TUSC3: variants seen among roughly 807,000 people sequenced by gnomAD.
TUSC3 encodes dolichyl-diphosphooligosaccharide--protein glycosyltransferase subunit TUSC3.
In TUSC3, 45 loss-of-function variants were observed where a neutral mutation model predicts 44.8. That is an observed-to-expected ratio of 1.00 (90% confidence interval 0.79 to 1.29). TUSC3 has a LOEUF of 1.29. Among genes scored for constraint, TUSC3 ranks in the 50% most tolerant of loss-of-function variants. The probability of loss-of-function intolerance (pLI) is 0.00; values close to 1 mark genes in which losing one functional copy is unlikely to be tolerated. For synonymous variants in TUSC3, 212 were observed against 152.9 expected (o/e 1.39, Z -2.85); for missense variants, 519 against 437.9 (o/e 1.19, Z -1.65).
At chr8:15,453,008 A>G (rs756063597) in intron 1 of TUSC3, among the ~76,000 whole-genome samples, 2 of 152,056 alleles carry the variant, frequency 1.3e-5, no homozygotes, top group Admixed American at 1.3e-4. Flanking sequence ...TTTTAATAAG[A>G]GGACTCTAGT....
intron 1 of TUSC3, 140 bp downstream of exon 1, chr8:15,540,708 G>A (rs989552972): frequency 8.2e-7 from 1 of 1,223,950 alleles, no homozygotes; most frequent in East Asian, 2.9e-5. Flanking sequence ...AGCCGCGAGG[G>A]TGGGAGGCCC....
intron 1 of TUSC3, among the ~76,000 whole-genome samples, chr8:15,599,178 A>G (rs935040068): frequency 1.3e-5 from 2 of 151,800 alleles, no homozygotes; most frequent in Non-Finnish European, 1.5e-5. Context: ...TCCCGATGAC[A>G]TGTAATGTGG....
chr8:15,671,505 G>C (rs541025157), intron 5 of TUSC3, among the ~76,000 whole-genome samples: 2 of 151,940 alleles, frequency 1.3e-5, no homozygotes, highest in Non-Finnish European at 2.9e-5. Flanking sequence ...GTGTTTTGTT[G>C]TTTCTTATGA....
At chr8:15,566,126 A>G (rs1032098902) in intron 1 of TUSC3, among the ~76,000 whole-genome samples, 5 of 152,158 alleles carry the variant, frequency 3.3e-5, no homozygotes, top group African/African-American at 1.2e-4. Flanking sequence ...ATGCATTCTC[A>G]GTGTCTTCTC....
chr8:15,487,899 ATTT>A (rs11307186), intron 2 of TUSC3, among the ~76,000 whole-genome samples: 17 of 138,352 alleles, frequency 1.2e-4, no homozygotes, highest in Admixed American at 3.6e-4. Context: ...TGTGCTGGCA[ATTT>A]TTTTTTTTTT....
At chr8:15,618,051 G>A (rs1805072352) in intron 1 of TUSC3, among the ~76,000 whole-genome samples, 1 of 152,104 alleles carries the variant, frequency 6.6e-6, no homozygotes, top group South Asian at 2.1e-4. Flanking sequence ...AAATGGTACA[G>A]CAAAGATATG....
chr8:15,622,737 G>C (rs923266124), intron 1 of TUSC3, among the ~76,000 whole-genome samples: 1 of 152,050 alleles, frequency 6.6e-6, no homozygotes, highest in Non-Finnish European at 1.5e-5. Context: ...CTAGAGTAGA[G>C]CAGTTATTAT....
chr8:15,832,612 G>A, the TUSC3 span, among the ~76,000 whole-genome samples: 4 of 151,944 alleles, frequency 2.6e-5, no homozygotes, highest in East Asian at 7.7e-4. Flanking sequence ...ATGGAGAACA[G>A]AAAAAAGCAA....
At chr8:15,562,716 C>T (rs1231561974) in intron 1 of TUSC3, among the ~76,000 whole-genome samples, 1 of 152,072 alleles carries the variant, frequency 6.6e-6, no homozygotes, top group Non-Finnish European at 1.5e-5. Flanking sequence ...GCTTGTGTTG[C>T]TCTCAGTTCT....
Position 15,682,811 on chromosome 8 carries a change from CT to C in TUSC3, c.798+8988del, listed in dbSNP as rs3988415. On this transcript the variant is annotated intron_variant, in intron 6 of 10. Coordinates refer to ENST00000503731, the MANE Select transcript of TUSC3 (RefSeq NM_006765.4). ...CTTTTGTTTCCATGTCTAGAACTTT[CT>C]TTTTTTTTTTTTGTAGCTGTTGTAA... is the stretch of plus-strand genomic sequence containing the variant. Among the ~76,000 whole-genome samples, 1,013 of 129,676 alleles carry C rather than the reference CT, an allele frequency of 7.8e-3. 9 individuals carry two copies. Among genetic ancestry groups the C allele is most frequent in the African/African-American group, 0.026 (823 of 31,468 alleles). The allele number at this position is 129,676 out of a possible 152,430, so 85.1% of individuals were successfully genotyped here.
At chr8:15,701,236 TC>T (rs2129195339) in intron 6 of TUSC3, among the ~76,000 whole-genome samples, 2 of 152,266 alleles carry the variant, frequency 1.3e-5, no homozygotes, top group South Asian at 4.1e-4. Flanking sequence ...CCACAAAATT[TC>T]CTCAGGGCCT....
intron 2 of TUSC3, among the ~76,000 whole-genome samples, chr8:15,506,496 T>C (rs1298496090): frequency 1.3e-5 from 2 of 152,154 alleles, no homozygotes; most frequent in African/African-American, 4.8e-5. Context: ...TATGAAGAAA[T>C]ACCAAGACTG....
chr8:15,560,292 G>C (rs1486240343), intron 1 of TUSC3, among the ~76,000 whole-genome samples: 2 of 142,712 alleles, frequency 1.4e-5, no homozygotes, highest in Non-Finnish European at 3.1e-5. Flanking sequence ...TGAAATTCTG[G>C]GTTGAAATTT....
chr8:15,520,596 C>T (rs561779032), intron 2 of TUSC3, among the ~76,000 whole-genome samples: 1 of 152,208 alleles, frequency 6.6e-6, no homozygotes, highest in South Asian at 2.1e-4. Flanking sequence ...GTGTGATAAC[C>T]AATATTTGTA....
intron 1 of TUSC3, among the ~76,000 whole-genome samples, chr8:15,591,938 C>G (rs1422777314): frequency 6.6e-6 from 1 of 152,124 alleles, no homozygotes; most frequent in Non-Finnish European, 1.5e-5. Context: ...TACTCTTCCA[C>G]TAATGCAGAG....
At chr8:15,702,822 A>T (rs1384552115) in intron 6 of TUSC3, among the ~76,000 whole-genome samples, 1 of 152,166 alleles carries the variant, frequency 6.6e-6, no homozygotes, top group African/African-American at 2.4e-5. Flanking sequence ...ACTTCTCTTT[A>T]GCTTTTCTAA....
chr8:15,596,144 A>AT (rs771612866), intron 1 of TUSC3, among the ~76,000 whole-genome samples: 1 of 152,216 alleles, frequency 6.6e-6, no homozygotes, highest in Non-Finnish European at 1.5e-5. Context: ...ATTCTTTCCT[A>AT]TTTTATAGTC....
chr8:15,669,521 A>T (rs1807846383), intron 5 of TUSC3, among the ~76,000 whole-genome samples: 1 of 151,548 alleles, frequency 6.6e-6, no homozygotes. Context: ...TAATAAATAA[A>T]AATGGTAATA....
intron 1 of TUSC3, among the ~76,000 whole-genome samples, chr8:15,601,917 A>ATT (rs5889587): frequency 3.4e-4 from 51 of 149,320 alleles, no homozygotes; most frequent in Admixed American, 7.4e-4. Flanking sequence ...TTATTTATGT[A>ATT]TTTTTTTTTA....
Sources: gnomAD v4.1 joint callset for allele counts (sites outside exome capture counted in the v4.1 genomes callset) on GRCh38, gnomAD v4.1.1 for gene constraint, MANE v1.5 for transcripts, NCBI Gene and HGNC (gene_info 2026-07-23, HGNC 2026-07-21) for gene names.